The following CSGALNACT1 variants were observed in gnomAD, a reference collection of about 807,000 sequenced individuals.
CSGALNACT1 encodes chondroitin sulfate N-acetylgalactosaminyltransferase 1, also known as beta4GalNAcT-1.
In CSGALNACT1, 52 loss-of-function variants were observed where a neutral mutation model predicts 51.0. The ratio of observed to expected loss-of-function variants is 1.02; its 90% CI spans 0.82 to 1.29. The LOEUF (loss-of-function observed/expected upper bound fraction) is 1.29. Ranked by LOEUF, CSGALNACT1 falls within the 50% of genes most tolerant of loss-of-function variation. CSGALNACT1 has a pLI of 0.00. For synonymous variants in CSGALNACT1, 341 were observed against 254.4 expected (o/e 1.34, Z -3.24); for missense variants, 935 against 679.2 (o/e 1.38, Z -4.19).
intron 8 of CSGALNACT1, among the ~76,000 whole-genome samples, chr8:19,411,474 G>A (rs2055720758): frequency 6.6e-6 from 1 of 152,184 alleles, no homozygotes; most frequent in African/African-American, 2.4e-5. Flanking sequence ...CGTCCCTAGG[G>A]CAGAGATGGT....
At chr8:19,538,081 G>A (rs2084183588) in intron 3 of CSGALNACT1, among the ~76,000 whole-genome samples, 2 of 152,146 alleles carry the variant, frequency 1.3e-5, no homozygotes, top group Non-Finnish European at 2.9e-5. Context: ...GTTTTGGGAG[G>A]CTGAGGCAGG....
intron 5 of CSGALNACT1, 61 bp downstream of exon 4, chr8:19,458,365 T>C: frequency 2.3e-6 from 3 of 1,307,236 alleles, no homozygotes; most frequent in Non-Finnish European, 3.3e-6. Context: ...TGACGGGAAA[T>C]GATATCAGTG....
At chr8:19,691,589 G>A (rs1454503728) in intron 1 of CSGALNACT1, among the ~76,000 whole-genome samples, 1 of 152,166 alleles carries the variant, frequency 6.6e-6, no homozygotes. Context: ...CAGCCCTGAC[G>A]ATAACGCAGG....
chr8:19,563,730 A>C (rs929252378), intron 3 of CSGALNACT1, among the ~76,000 whole-genome samples: 1 of 152,198 alleles, frequency 6.6e-6, no homozygotes, highest in Non-Finnish European at 1.5e-5. Context: ...CTTCAAAGTC[A>C]GCGGATCCAG....
In CSGALNACT1 at chr8:19,513,436, C is replaced by CTCTATATATATA; in HGVS notation, c.-296-7307_-296-7306insTATATATATAGA. ...TCTCACTCTCTCTCTCTCTCTCTCT[C>CTCTATATATATA]TATATATATATATATATATATATAT... On this transcript the variant is annotated intron_variant, in intron 3 of 9. Coordinates refer to ENST00000454498, the Ensembl canonical transcript of CSGALNACT1. Among the ~76,000 whole-genome samples, 758 of 81,858 alleles carry CTCTATATATATA rather than the reference C, an allele frequency of 9.3e-3. 9 individuals are homozygous for CTCTATATATATA. Among genetic ancestry groups the CTCTATATATATA allele is most frequent in the Non-Finnish European group, 0.012 (484 of 38,944 alleles). 53.7% of individuals were successfully genotyped at this position (81,858 alleles called of 152,430 possible).
At chr8:19,610,028 CCTGG>C (rs1403409587) in intron 1 of CSGALNACT1, among the ~76,000 whole-genome samples, 1 of 151,864 alleles carries the variant, frequency 6.6e-6, no homozygotes, top group Non-Finnish European at 1.5e-5. Flanking sequence ...AGACGATCAG[CCTGG>C]CTAAGATGGT....
intron 5 of CSGALNACT1, among the ~76,000 whole-genome samples, chr8:19,455,799 C>G (rs1245360951): frequency 6.6e-6 from 1 of 152,204 alleles, no homozygotes; most frequent in Non-Finnish European, 1.5e-5. Flanking sequence ...GTATCTCTGC[C>G]ACAGCGCCTG....
intron 5 of CSGALNACT1, among the ~76,000 whole-genome samples, chr8:19,446,103 A>G (rs1358272318): frequency 6.6e-6 from 1 of 152,178 alleles, no homozygotes; most frequent in Non-Finnish European, 1.5e-5. Flanking sequence ...TGAACCTGGG[A>G]GCTAGAGGTT....
intron 1 of CSGALNACT1, among the ~76,000 whole-genome samples, chr8:19,689,314 G>T (rs2061157688): frequency 6.6e-6 from 1 of 152,118 alleles, no homozygotes; most frequent in South Asian, 2.1e-4. Context: ...AGGGCCATTT[G>T]GAGAGGAACC....
chr8:19,405,988 A>T (rs768232625), exon 10 of CSGALNACT1: 3 of 1,614,060 alleles, frequency 1.9e-6, no homozygotes, highest in Non-Finnish European at 8.5e-7. Context: ...CGTCCGTACC[A>T]CTATGAGGTT....
rs141736551 is a variant in CSGALNACT1, at chr8:19,420,362, C to T, written c.1110G>A (p.Thr370=). Residue 370 remains threonine, a synonymous_variant, in exon 7 of 10, where the codon ACG becomes ACA. Transcript: ENST00000454498. ...TACCTGGCTGTGTATTCAGCCTACA[C>T]GTATTGAGGAATTCAGATGTGAAGT... 75 of 1,614,150 alleles carry T rather than the reference C, an allele frequency of 4.6e-5. No individual in the cohort carries two copies. Among genetic ancestry groups the T allele is most frequent in the African/African-American group, 6.7e-5 (5 of 75,042 alleles).
chr8:19,622,414 AT>A (rs1439832224), intron 1 of CSGALNACT1, among the ~76,000 whole-genome samples: 1 of 152,220 alleles, frequency 6.6e-6, no homozygotes, highest in Non-Finnish European at 1.5e-5. Context: ...ATTTTCAGGA[AT>A]TTTACAAGCC....
chr8:19,421,510 C>A (rs571500788), intron 6 of CSGALNACT1, among the ~76,000 whole-genome samples: 1 of 152,146 alleles, frequency 6.6e-6, no homozygotes, highest in Non-Finnish European at 1.5e-5. Context: ...TCAACGACAC[C>A]CTTCTTTTCC....
At chr8:19,620,836 T>C (rs2053730694) in intron 1 of CSGALNACT1, among the ~76,000 whole-genome samples, 1 of 152,158 alleles carries the variant, frequency 6.6e-6, no homozygotes, top group Non-Finnish European at 1.5e-5. Flanking sequence ...AGCCACGGAC[T>C]GAAAGTTACC....
intron 1 of CSGALNACT1, among the ~76,000 whole-genome samples, chr8:19,734,870 T>C (rs553520588): frequency 6.6e-6 from 1 of 152,114 alleles, no homozygotes; most frequent in Non-Finnish European, 1.5e-5. Flanking sequence ...AATATACATA[T>C]ACATTATAAA....
At chr8:19,408,735 T>C in intron 8 of CSGALNACT1, 41 bp from the exon 8 acceptor site, 2 of 1,580,808 alleles carry the variant, frequency 1.3e-6, no homozygotes, top group East Asian at 2.2e-5. Context: ...AAGTTTAGGG[T>C]GGACAAAAAT....
At chr8:19,675,967 A>T (rs1191165383) in intron 1 of CSGALNACT1, among the ~76,000 whole-genome samples, 1 of 152,028 alleles carries the variant, frequency 6.6e-6, no homozygotes, top group Non-Finnish European at 1.5e-5. Context: ...GACAGACCCA[A>T]AGTGGAAAGC....
At chr8:19,680,564 A>T (rs959657814) in intron 1 of CSGALNACT1, among the ~76,000 whole-genome samples, 1 of 29,018 alleles carries the variant, frequency 3.4e-5, no homozygotes, top group African/African-American at 9.7e-5. Context: ...CCCTCGCCCC[A>T]CCCCCCCCCC....
At chr8:19,551,241 A>G (rs1259433872) in intron 3 of CSGALNACT1, among the ~76,000 whole-genome samples, 1 of 152,236 alleles carries the variant, frequency 6.6e-6, no homozygotes, top group Non-Finnish European at 1.5e-5. Flanking sequence ...CAGCAGTCTG[A>G]GTAGGAAAGA....
Sources: gnomAD v4.1 joint callset for allele counts (sites outside exome capture counted in the v4.1 genomes callset) on GRCh38, gnomAD v4.1.1 for gene constraint, MANE v1.5 for transcripts, NCBI Gene and HGNC (gene_info 2026-07-23, HGNC 2026-07-21) for gene names.